Variants in TBC1D14 observed in about 807,000 individuals in gnomAD.
TBC1D14 encodes the protein TBC1 domain family, member 14.
A neutral mutation model predicts 79.0 loss-of-function variants in TBC1D14; 26 were observed. The observed-to-expected ratio is 0.33, with a 90% confidence interval of 0.24 to 0.46. TBC1D14 has a LOEUF of 0.46. Ranked by LOEUF, TBC1D14 falls within the 20% of genes least tolerant of loss-of-function variation. The pLI, the probability that TBC1D14 is intolerant of heterozygous loss-of-function variation, is 1.00. For missense variants in TBC1D14, 769 were observed against 887.6 expected (o/e 0.87, Z 1.70); for synonymous variants, 394 against 349.9 (o/e 1.13, Z -1.40).
At chr4:6,922,788 T>C (rs34953654) in intron 1 of TBC1D14, among the ~76,000 whole-genome samples, 13,963 of 152,274 alleles carry the variant, frequency 0.092, 815 homozygotes, top group Middle Eastern at 0.16. Flanking sequence ...ACGCTCCTGG[T>C]GCTGCCCTGG....
At chr4:6,930,794 T>C (rs752898796) in intron 2 of TBC1D14, among the ~76,000 whole-genome samples, 2 of 85,036 alleles carry the variant, frequency 2.4e-5, no homozygotes, top group Non-Finnish European at 5.5e-5. Flanking sequence ...TGAGACTCCA[T>C]CTCCAAAAAA....
At chr4:7,013,171 C>G (rs866227347) in intron 11 of TBC1D14, among the ~76,000 whole-genome samples, 1 of 152,188 alleles carries the variant, frequency 6.6e-6, no homozygotes, top group African/African-American at 2.4e-5. Context: ...CTGGCAGCCC[C>G]GTTGAACTTA....
intron 5 of TBC1D14, among the ~76,000 whole-genome samples, chr4:6,998,603 A>G (rs539227423): frequency 1.3e-4 from 19 of 151,030 alleles, no homozygotes; most frequent in Admixed American, 2.6e-4. Context: ...CAGTGGTGCT[A>G]TCTCGGCTCA....
chr4:6,947,460 T>G (rs1713588408), intron 2 of TBC1D14, among the ~76,000 whole-genome samples: 1 of 148,178 alleles, frequency 6.7e-6, no homozygotes, highest in Non-Finnish European at 1.5e-5. Context: ...ATCGTGCCAC[T>G]GCACTCCAGC....
At chr4:6,915,517 CTT>C (rs1723328706) in intron 1 of TBC1D14, among the ~76,000 whole-genome samples, 1 of 152,162 alleles carries the variant, frequency 6.6e-6, no homozygotes, top group East Asian at 1.9e-4. Context: ...GAGTCACAGA[CTT>C]GAGTTCAAGC....
chr4:6,999,693 TC>T lies in TBC1D14; in HGVS notation c.1163+493del, dbSNP rs142243698. Reference sequence around the variant, plus strand: ...GTCTGGAGTGCTCTTGTCCTGTACTTCCTCAGCCAGCAAACTCCTGTGTGCT... The same window carrying T: ...GTCTGGAGTGCTCTTGTCCTGTACTTCTCAGCCAGCAAACTCCTGTGTGCT... On this transcript the variant is annotated intron_variant, in intron 6 of 13. Coordinates refer to ENST00000409757, the MANE Select transcript of TBC1D14 (RefSeq NM_020773.3). Among the ~76,000 whole-genome samples the T allele has an allele frequency of 2.6e-5, 4 of 152,126 alleles. No individual in the cohort carries two copies. The East Asian group carries it at 7.7e-4, about 29-fold the overall frequency.
chr4:6,994,857 T>G lies in TBC1D14; in HGVS notation c.962+555T>G, dbSNP rs1324368670. On this transcript the variant is annotated intron_variant, in intron 4 of 13. Coordinates refer to ENST00000409757, the MANE Select transcript of TBC1D14 (RefSeq NM_020773.3). ...CCAGCCTGGGCAACAAGAGCAAAAC[T>G]CCGTCTCAAAAAAAAAAAAAAAAAG... is the stretch of plus-strand genomic sequence containing the variant. Among the ~76,000 whole-genome samples, 11 of 128,466 alleles carry G rather than the reference T, an allele frequency of 8.6e-5. No homozygotes were observed. In the South Asian group the frequency reaches 2.5e-3, roughly 29 times the overall value. 84.3% of individuals were successfully genotyped at this position (128,466 alleles called of 152,430 possible).
At chr4:6,947,421 C>G (rs938883391) in intron 2 of TBC1D14, among the ~76,000 whole-genome samples, 2 of 151,900 alleles carry the variant, frequency 1.3e-5, no homozygotes, top group Non-Finnish European at 2.9e-5. Context: ...TGGCGTGAAC[C>G]CGGGAGGTGG....
chr4:7,005,067 G>GTT, intron 8 of TBC1D14, 143 bp downstream of exon 8: 1 of 813,620 alleles, frequency 1.2e-6, no homozygotes, highest in African/African-American at 1.8e-5. Context: ...GGTTTTTTTT[G>GTT]TTTTGTTTTT....
At chr4:7,016,157 C>T (rs190209723) in intron 12 of TBC1D14, among the ~76,000 whole-genome samples, 27 of 152,336 alleles carry the variant, frequency 1.8e-4, no homozygotes, top group African/African-American at 5.5e-4. Context: ...ACTGTTCTCA[C>T]TCCACTGACC....
chr4:6,972,416 C>T (rs1716305335), intron 3 of TBC1D14, among the ~76,000 whole-genome samples: 1 of 152,190 alleles, frequency 6.6e-6, no homozygotes, highest in Non-Finnish European at 1.5e-5. Context: ...TGGCCATCAG[C>T]AGCATTACCC....
chr4:6,995,203 A>G (rs1192887630), intron 4 of TBC1D14: 1 of 152,250 alleles, frequency 6.6e-6, no homozygotes, highest in Non-Finnish European at 1.5e-5. Context: ...TTTTGAAGGT[A>G]TACCAAGATG....
chr4:6,950,276 T>G (rs369711035), intron 2 of TBC1D14, among the ~76,000 whole-genome samples: 292 of 152,372 alleles, frequency 1.9e-3, no homozygotes, highest in African/African-American at 6.8e-3. Flanking sequence ...TGAGTTTTTG[T>G]GTATAGGCCT....
chr4:6,938,955 C>T (rs948960059), intron 2 of TBC1D14, among the ~76,000 whole-genome samples: 5 of 152,012 alleles, frequency 3.3e-5, no homozygotes, highest in Non-Finnish European at 5.9e-5. Flanking sequence ...AGTGCAGCAG[C>T]GGCGCCATCC....
chr4:7,017,321 A>T (rs1484057936), intron 12 of TBC1D14, among the ~76,000 whole-genome samples: 1 of 152,124 alleles, frequency 6.6e-6, no homozygotes, highest in Non-Finnish European at 1.5e-5. Flanking sequence ...AACAAAAAAT[A>T]AAACTGAGGC....
chr4:7,006,499 CA>C (rs1188283114), intron 8 of TBC1D14, 132 bp from the exon 9 acceptor site: 4 of 629,494 alleles, frequency 6.4e-6, no homozygotes, highest in Non-Finnish European at 8.3e-6. Flanking sequence ...CACTCTGAGT[CA>C]AGATGTGATT....
chr4:6,960,297 T>G (rs1305986372), intron 2 of TBC1D14, among the ~76,000 whole-genome samples: 1 of 151,496 alleles, frequency 6.6e-6, no homozygotes, highest in Non-Finnish European at 1.5e-5. Context: ...TTGCCATGTT[T>G]CCCAGGCTGA....
chr4:6,954,901 G>A (rs1048983447), intron 2 of TBC1D14, among the ~76,000 whole-genome samples: 5 of 152,364 alleles, frequency 3.3e-5, no homozygotes, highest in East Asian at 1.9e-4. Flanking sequence ...GGCCGTGCCC[G>A]GCCTGGATTA....
chr4:6,941,214 C>T (rs538157700), intron 2 of TBC1D14, among the ~76,000 whole-genome samples: 9 of 122,074 alleles, frequency 7.4e-5, no homozygotes, highest in Non-Finnish European at 1.4e-4. Flanking sequence ...GAGATGCGGT[C>T]TCACTCTGTG....
Sources: gnomAD v4.1 joint callset for allele counts (sites outside exome capture counted in the v4.1 genomes callset) on GRCh38, gnomAD v4.1.1 for gene constraint, MANE v1.5 for transcripts, NCBI Gene and HGNC (gene_info 2026-07-23, HGNC 2026-07-21) for gene names.